The following NCOA1 variants were observed in gnomAD, a reference collection of about 807,000 sequenced individuals.
The protein encoded by NCOA1 is Hin-2 protein.
A neutral mutation model predicts 150.9 loss-of-function variants in NCOA1; 35 were observed. The observed-to-expected ratio is 0.23, with a 90% CI of 0.18 to 0.31. NCOA1 has a LOEUF of 0.31. Ranked by LOEUF, NCOA1 falls within the 10% of genes least tolerant of loss-of-function variation. The pLI is 1.00. For missense variants in NCOA1, 1,491 were observed against 1,749.3 expected (o/e 0.85, Z 2.63); for synonymous variants, 590 against 630.0 (o/e 0.94, Z 0.95).
At chr2:24,597,378 A>G (rs1208274116) in intron 3 of NCOA1, among the ~76,000 whole-genome samples, 2 of 152,222 alleles carry the variant, frequency 1.3e-5, no homozygotes, top group African/African-American at 4.8e-5. Context: ...ATTGTGAGAC[A>G]TGAGGGCTTA....
intron 3 of NCOA1, among the ~76,000 whole-genome samples, chr2:24,604,864 G>T (rs1668287945): frequency 6.6e-6 from 1 of 152,118 alleles, no homozygotes; most frequent in East Asian, 1.9e-4. Flanking sequence ...GCCGGTCTTG[G>T]CTTTTGACAT....
chr2:24,562,005 A>G (rs535224901), intron 1 of NCOA1, among the ~76,000 whole-genome samples: 1 of 152,290 alleles, frequency 6.6e-6, no homozygotes, highest in African/African-American at 2.4e-5. Context: ...ATCTCACTCT[A>G]TACATTATAT....
At chr2:24,589,630 G>GGTGTGTGTGTGTGT (rs148118845) in intron 3 of NCOA1, among the ~76,000 whole-genome samples, 148 of 147,548 alleles carry the variant, frequency 1.0e-3, no homozygotes, top group South Asian at 8.4e-3. Context: ...AGAGGTTGGT[G>GGTGTGTGTGTGTGT]GTGTGTGTGT....
chr2:24,541,940 AG>A (rs1315682130), intron 1 of NCOA1, among the ~76,000 whole-genome samples: 1 of 152,242 alleles, frequency 6.6e-6, no homozygotes, highest in Non-Finnish European at 1.5e-5. Flanking sequence ...ATTATGAACA[AG>A]AAGGCACTCT....
intron 17 of NCOA1, 28 bp downstream of exon 17, chr2:24,729,843 CTT>C (rs375818965): frequency 5.4e-3 from 7,111 of 1,315,822 alleles, no homozygotes; most frequent in Non-Finnish European, 5.9e-3. Context: ...GCAGTTGATA[CTT>C]TTTTTTTTTT....
chr2:24,583,958 A>G (rs1179929387), intron 2 of NCOA1, among the ~76,000 whole-genome samples: 1 of 152,162 alleles, frequency 6.6e-6, no homozygotes, highest in Non-Finnish European at 1.5e-5. Flanking sequence ...TTAGATAAGA[A>G]TAAGTTCTGG....
At chr2:24,686,763 G>A (rs994127746) in intron 8 of NCOA1, among the ~76,000 whole-genome samples, 1 of 151,972 alleles carries the variant, frequency 6.6e-6, no homozygotes, top group Non-Finnish European at 1.5e-5. Context: ...GTGAAATCAG[G>A]GTATCTAGAA....
intron 8 of NCOA1, among the ~76,000 whole-genome samples, chr2:24,686,955 CAG>C (rs1182350799): frequency 1.3e-5 from 2 of 151,680 alleles, no homozygotes; most frequent in Admixed American, 6.6e-5. Context: ...TTTCACATCT[CAG>C]AAAGTGTTTT....
rs1271263674 is a variant in NCOA1, at chr2:24,491,308, T to A, written c.-690T>A. On this transcript the variant is annotated 5_prime_UTR_variant, in exon 1 of 23. It removes an upstream start codon present in the reference 5' UTR. Coordinates refer to ENST00000348332, the MANE Select transcript of NCOA1 (RefSeq NM_003743.5). ...TGGCGGCCGCGGAGAGCGGCTGAAA[T>A]GCCTGTTCTTCAGGCCGGGCGAGCG... Among the ~76,000 whole-genome samples the A allele has an allele frequency of 6.8e-6, 1 of 146,244 alleles. No homozygotes were observed. The highest frequency in any genetic ancestry group is 1.5e-5 in the Non-Finnish European group (1 of 66,004).
intron 3 of NCOA1, among the ~76,000 whole-genome samples, chr2:24,600,292 G>A (rs952782986): frequency 1.3e-5 from 2 of 152,112 alleles, no homozygotes; most frequent in Non-Finnish European, 1.5e-5. Context: ...TGCAACCTCT[G>A]CCTCCCTGGC....
At chr2:24,503,524 A>G (rs944881517) in intron 1 of NCOA1, among the ~76,000 whole-genome samples, 2 of 152,212 alleles carry the variant, frequency 1.3e-5, no homozygotes, top group Admixed American at 1.3e-4. Context: ...AAGTAGTTAT[A>G]TTTTAGGATT....
Position 24,514,219 on chromosome 2 carries a change from G to A in NCOA1, c.-396+22617G>A, listed in dbSNP as rs569250994. ...GGGAGAATCTTGAACCCGGGAGGTG[G>A]AGGTTGCAGTGAGCTGAGATCACGC... is the stretch of plus-strand genomic sequence containing the variant. On this transcript the variant is annotated intron_variant, in intron 1 of 22. Coordinates refer to ENST00000348332, the MANE Select transcript of NCOA1 (RefSeq NM_003743.5). 4.1e-5 allele frequency among the ~76,000 whole-genome samples: 6 copies of A among 145,414 alleles called. No individual in the cohort carries two copies. The Admixed American group carries it at 4.1e-4, about 10-fold the overall frequency.
At chr2:24,660,172 C>T (rs546171487) in intron 5 of NCOA1, among the ~76,000 whole-genome samples, 5 of 152,182 alleles carry the variant, frequency 3.3e-5, no homozygotes, top group Non-Finnish European at 5.9e-5. Context: ...AGAAGTGTGT[C>T]AAAAATTAAT....
chr2:24,691,736 C>G, intron 9 of NCOA1, 76 bp downstream of exon 9: 4 of 1,470,786 alleles, frequency 2.7e-6, no homozygotes. Context: ...TAATTATAAA[C>G]TGCCTTTTTC....
At chr2:24,740,120 C>T (rs1663529732) in intron 18 of NCOA1, among the ~76,000 whole-genome samples, 1 of 152,006 alleles carries the variant, frequency 6.6e-6, no homozygotes, top group Admixed American at 6.5e-5. Context: ...TATTTCATAA[C>T]AAAGTTGATG....
At chr2:24,743,214 T>C (rs763488591) in intron 19 of NCOA1, among the ~76,000 whole-genome samples, 5 of 152,246 alleles carry the variant, frequency 3.3e-5, no homozygotes, top group Non-Finnish European at 7.3e-5. Flanking sequence ...AGGTAAATTT[T>C]AAGGCTGCTT....
At chr2:24,538,943 C>G (rs1308910657) in intron 1 of NCOA1, among the ~76,000 whole-genome samples, 1 of 152,120 alleles carries the variant, frequency 6.6e-6, no homozygotes, top group Non-Finnish European at 1.5e-5. Context: ...TTTGACTAGT[C>G]AAGTAAGAGT....
rs1219997834 is a variant in NCOA1 at position 24,752,045 on chromosome 2, C to T, written c.3770C>T (p.Pro1257Leu). The change falls in exon 20 of 23, where the codon CCG (proline) becomes CTG (leucine). Residue 1257 changes from proline to leucine, a missense_variant. Transcript: ENST00000348332. ...CTAAGCCCTGGGAGCTCCATGGTGC[C>T]GATGCCAATCCCTCCTCCTCAGAGT... ...PSLSPGSSMV[P>L]MPIPPPQSSL... 12 of 1,613,984 alleles carry T rather than the reference C, an allele frequency of 7.4e-6. No individual in the cohort carries two copies. The highest frequency in any genetic ancestry group is 3.3e-5 in the South Asian group (3 of 91,078).
intron 17 of NCOA1, among the ~76,000 whole-genome samples, chr2:24,737,967 G>C (rs771014350): frequency 6.6e-6 from 1 of 152,028 alleles, no homozygotes; most frequent in African/African-American, 2.4e-5. Flanking sequence ...ATCAGTTTTG[G>C]TATTTAAGAG....
Sources: allele counts gnomAD v4.1 joint callset (sites outside exome capture counted in the v4.1 genomes callset), GRCh38; gene constraint gnomAD v4.1.1; transcripts MANE v1.5; gene names NCBI Gene and HGNC (gene_info 2026-07-23, HGNC 2026-07-21).